The following FBXW4 variants were observed in gnomAD, a reference collection of about 807,000 sequenced individuals.
The protein encoded by FBXW4 is F-box and WD repeat domain containing 4.
In FBXW4, 40 loss-of-function variants were observed where a neutral mutation model predicts 61.8. That is an observed-to-expected ratio of 0.65 (90% CI 0.50 to 0.84). The LOEUF is 0.84. FBXW4 is among the 40% of genes least tolerant of loss of function. FBXW4 has a pLI of 0.00. For synonymous variants in FBXW4, 311 were observed against 313.8 expected (o/e 0.99, Z 0.10); for missense variants, 672 against 753.8 (o/e 0.89, Z 1.27).
intron 4 of FBXW4, among the ~76,000 whole-genome samples, chr10:101,669,244 T>C (rs569806978): frequency 4.6e-5 from 7 of 152,172 alleles, no homozygotes; most frequent in Non-Finnish European, 1.0e-4. Flanking sequence ...ACCACAACTT[T>C]TCCTGAGTGC....
intron 4 of FBXW4, 104 bp downstream of exon 4, chr10:101,672,811 G>A: frequency 2.9e-6 from 4 of 1,388,672 alleles, no homozygotes; most frequent in Non-Finnish European, 3.9e-6. Context: ...TTTCTCCCCT[G>A]TCCCCAGACG....
chr10:101,624,939 C>A, intron 5 of FBXW4, 129 bp from the exon 6 acceptor site: 1 of 956,160 alleles, frequency 1.0e-6, no homozygotes, highest in Admixed American at 2.0e-5. Context: ...GAGAAGTGGC[C>A]AAGGGAGCCA....
intron 5 of FBXW4, among the ~76,000 whole-genome samples, chr10:101,664,518 C>A (rs1023018885): frequency 1.3e-5 from 2 of 152,134 alleles, no homozygotes; most frequent in Non-Finnish European, 2.9e-5. Flanking sequence ...GACAACCATA[C>A]TCAACAGGAA....
At chr10:101,626,665 T>C (rs1413931339) in intron 5 of FBXW4, 1 of 152,154 alleles carries the variant, frequency 6.6e-6, no homozygotes, top group Non-Finnish European at 1.5e-5. Flanking sequence ...AATTTTTGTA[T>C]ATTTAGTAGA....
At position 101,611,615 on chromosome 10, in the gene FBXW4, G is replaced by A. The variant is rs1415546375; in HGVS notation, c.1584+13C>T. ...TCCTGGCATGCTGGAGAAGAGGTGGGCAGGACACTTACGTGCAGGCAGGCC... is the reference window on the plus strand; with the variant it reads ...TCCTGGCATGCTGGAGAAGAGGTGGACAGGACACTTACGTGCAGGCAGGCC... On this transcript the variant is annotated intron_variant, in intron 8 of 8. Transcript: ENST00000331272. This position sits in a 1 kb window ranked among gnomAD's most constrained non-coding sequence, Gnocchi z 4.9. 2 of 1,613,632 alleles carry A rather than the reference G, an allele frequency of 1.2e-6. No homozygotes were observed. The highest frequency in any genetic ancestry group is 1.7e-6 in the Non-Finnish European group (2 of 1,179,626).
chr10:101,612,894 A>T (rs1199694657), intron 6 of FBXW4: 1 of 158,726 alleles, frequency 6.3e-6, no homozygotes, highest in Non-Finnish European at 1.4e-5. Context: ...GAGCTGCCTG[A>T]GTCCAATGCC....
At position 101,611,888 on chromosome 10, in the gene FBXW4, A is replaced by G. The variant is rs961285526; in HGVS notation, c.1443-119T>C. On this transcript the variant is annotated intron_variant, in intron 7 of 8. Coordinates refer to ENST00000331272, the MANE Select transcript of FBXW4 (RefSeq NM_022039.4). This position sits in a 1 kb window ranked among gnomAD's most constrained non-coding sequence, Gnocchi z 4.9. ...AGGAGCCATTCCGGGATGGAAGAGA[A>G]AGAAGCCTAAATCATCAGATTCATC... is the stretch of plus-strand genomic sequence containing the variant. The G allele has an allele frequency of 1.4e-5, 17 of 1,210,626 alleles. No individual in the cohort carries two copies. The highest frequency in any genetic ancestry group is 1.8e-5 in the Non-Finnish European group (16 of 890,672). The allele number at this position is 1,210,626 out of a possible 1,614,324, so 75.0% of individuals were successfully genotyped here.
intron 6 of FBXW4, among the ~76,000 whole-genome samples, chr10:101,618,826 C>T (rs1376532321): frequency 6.6e-6 from 1 of 152,140 alleles, no homozygotes; most frequent in Non-Finnish European, 1.5e-5. Flanking sequence ...CACAGGCTAT[C>T]AGGGGCCCAG....
At chr10:101,682,646 C>A (rs1021042355) in intron 1 of FBXW4, among the ~76,000 whole-genome samples, 2 of 152,116 alleles carry the variant, frequency 1.3e-5, no homozygotes, top group African/African-American at 4.8e-5. Context: ...TCTCTCACCT[C>A]CCTGGTCACT....
At position 101,611,344 on chromosome 10, in the gene FBXW4, G is replaced by A. The variant is rs934133240; in HGVS notation, c.1651C>T (p.Leu551Phe). ...VYCLRLTTKH[L>F]YAALSYNLHV... is the part of the protein sequence containing the mutation. ...AGGTTGTAAGACAGGGCAGCATAGA[G>A]ATGCTTGGTGGTGAGACGCAGGCAG... Residue 551 changes from leucine (L) to phenylalanine (F), a missense_variant, in exon 9 of 9, where the codon CTC becomes TTC. By Grantham distance (22) the Leu-to-Phe change is conservative (BLOSUM62 0). Transcript: ENST00000331272. The surrounding 1 kb of genome is among the most constrained non-coding windows in gnomAD (Gnocchi z 4.9). 6.2e-7 allele frequency: 1 copy of A among 1,614,084 alleles called. No homozygotes were observed. Among genetic ancestry groups the A allele is most frequent in the Non-Finnish European group, 8.5e-7 (1 of 1,180,034 alleles).
chr10:101,661,768 C>G (rs1395323764), intron 5 of FBXW4, among the ~76,000 whole-genome samples: 1 of 152,140 alleles, frequency 6.6e-6, no homozygotes, highest in Non-Finnish European at 1.5e-5. Flanking sequence ...GTCTTCTTTC[C>G]CTAGACAAGA....
At chr10:101,683,004 C>A (rs796124613) in intron 1 of FBXW4, among the ~76,000 whole-genome samples, 10 of 152,274 alleles carry the variant, frequency 6.6e-5, no homozygotes, top group African/African-American at 2.4e-4. Context: ...GCTTCAGCAC[C>A]TGAAAAATCC....
intron 1 of FBXW4, among the ~76,000 whole-genome samples, chr10:101,688,636 C>T (rs2064557685): frequency 6.6e-6 from 1 of 152,204 alleles, no homozygotes; most frequent in African/African-American, 2.4e-5. Flanking sequence ...CAATTGATTA[C>T]AATTGGAGTT....
At chr10:101,674,865 T>C (rs2064392951) in intron 2 of FBXW4, among the ~76,000 whole-genome samples, 1 of 152,234 alleles carries the variant, frequency 6.6e-6, no homozygotes, top group Non-Finnish European at 1.5e-5. Flanking sequence ...CTAGGCTCTC[T>C]GGTGGAAACT....
At chr10:101,660,226 T>C (rs1209397435) in intron 5 of FBXW4, 1 of 978,860 alleles carries the variant, frequency 1.0e-6, no homozygotes, top group Non-Finnish European at 1.2e-6. Flanking sequence ...ATCTTGTACC[T>C]CCAAAACTCC....
At chr10:101,619,125 T>C (rs903997515) in intron 6 of FBXW4, among the ~76,000 whole-genome samples, 3 of 152,166 alleles carry the variant, frequency 2.0e-5, no homozygotes, top group African/African-American at 7.2e-5. Context: ...TTTGGCATAG[T>C]TCCTCAGGGC....
chr10:101,631,058 C>A lies in FBXW4; in HGVS notation c.1236-6248G>T, dbSNP rs573610948. Among the ~76,000 whole-genome samples, 11 of 148,342 alleles carry A rather than the reference C, an allele frequency of 7.4e-5. No individual in the cohort carries two copies. The East Asian group carries it at 2.2e-3, about 29-fold the overall frequency. On this transcript the variant is annotated intron_variant, in intron 5 of 8. Transcript: ENST00000331272. ...ACCAGGCAGGGGAAGATAAACACAA[C>A]TTTTTTTTTTTATCAAACTAAAGCC...
At chr10:101,641,164 CATTTAAGAG>C (rs138499115) in intron 5 of FBXW4, among the ~76,000 whole-genome samples, 3,920 of 151,946 alleles carry the variant, frequency 0.026, 169 homozygotes, top group African/African-American at 0.087. Flanking sequence ...TAATGCCAGG[CATTTAAGAG>C]ATAGATAATT....
In FBXW4 at chr10:101,694,343, G is replaced by C. The variant is rs1015495232; in HGVS notation, c.725+38C>G. ...CGCCCTTTCCCGGGACGCGGGGCCGGCTCGGGGCGGGGAGCGGGCGGGCGA... is the reference window on the plus strand; with the variant it reads ...CGCCCTTTCCCGGGACGCGGGGCCGCCTCGGGGCGGGGAGCGGGCGGGCGA... On this transcript the variant is annotated intron_variant, in intron 1 of 8. Transcript: ENST00000331272. This position sits in a 1 kb window ranked among gnomAD's most constrained non-coding sequence, Gnocchi z 6.0. The C allele has an allele frequency of 6.7e-6, 9 of 1,345,348 alleles. No homozygotes were observed. The highest frequency in any genetic ancestry group is 8.5e-6 in the Non-Finnish European group (9 of 1,055,600). The allele number at this position is 1,345,348 out of a possible 1,614,324, so 83.3% of individuals were successfully genotyped here. A position where few individuals can be genotyped will look rare whatever the true frequency, so the allele number is the denominator to read the frequency against.
Sources: allele counts gnomAD v4.1 joint callset (sites outside exome capture counted in the v4.1 genomes callset), GRCh38; gene constraint gnomAD v4.1.1; non-coding constraint Gnocchi (gnomAD v3.1); transcripts MANE v1.5; gene names NCBI Gene and HGNC (gene_info 2026-07-23, HGNC 2026-07-21).